Variants in EVL observed in about 807,000 individuals in gnomAD.
EVL encodes the protein ena/VASP-like protein.
Under a neutral mutation model 59.6 loss-of-function variants are expected in EVL, and 21 were observed. That is an observed-to-expected ratio of 0.35 (90% CI 0.25 to 0.51). EVL has a LOEUF of 0.51. Among genes scored for constraint, EVL ranks in the 20% least tolerant of loss-of-function variants. The pLI, the probability that EVL is intolerant of heterozygous loss-of-function variation, is 0.97. For missense variants in EVL, 462 were observed against 546.6 expected (o/e 0.85, Z 1.54); for synonymous variants, 198 against 203.5 (o/e 0.97, Z 0.23).
intron 1 of EVL, among the ~76,000 whole-genome samples, chr14:100,004,804 A>G (rs564989583): frequency 6.6e-6 from 1 of 152,294 alleles, no homozygotes; most frequent in East Asian, 1.9e-4. Context: ...TTTATACATA[A>G]CCTTTAAATA....
chr14:100,055,074 C>T (rs2061706716), intron 1 of EVL, among the ~76,000 whole-genome samples: 1 of 152,008 alleles, frequency 6.6e-6, no homozygotes, highest in Non-Finnish European at 1.5e-5. Context: ...TGGTGCATGC[C>T]TGTAATCCTA....
intron 3 of EVL, among the ~76,000 whole-genome samples, chr14:100,113,493 C>A (rs1270819762): frequency 2.0e-5 from 3 of 152,080 alleles, no homozygotes; most frequent in African/African-American, 7.2e-5. Flanking sequence ...AATTAAGTCC[C>A]AGTGAAAGGA....
chr14:100,034,904 AT>A (rs1017853782), intron 1 of EVL, among the ~76,000 whole-genome samples: 41 of 152,324 alleles, frequency 2.7e-4, no homozygotes, highest in African/African-American at 9.4e-4. Flanking sequence ...GAGGAAAAGT[AT>A]GATTATATAT....
At chr14:99,990,839 G>C (rs2140177806) in intron 1 of EVL, among the ~76,000 whole-genome samples, 1 of 152,160 alleles carries the variant, frequency 6.6e-6, no homozygotes, top group South Asian at 2.1e-4. Flanking sequence ...ATCTCTTCAA[G>C]ATCCTACTTT....
intron 1 of EVL, among the ~76,000 whole-genome samples, chr14:100,002,478 A>G (rs1456322187): frequency 1.3e-5 from 2 of 152,338 alleles, no homozygotes; most frequent in Non-Finnish European, 2.9e-5. Context: ...ACTAAGTCAT[A>G]CCAGAATTAT....
At chr14:100,026,394 T>TTGGCCGGGCGCGGTGG (rs1170453675) in intron 1 of EVL, among the ~76,000 whole-genome samples, 5 of 151,356 alleles carry the variant, frequency 3.3e-5, no homozygotes, top group South Asian at 2.1e-4. Flanking sequence ...AGGGAATCAG[T>TTGGCCGGGCGCGGTGG]CAGTTTCAGT....
chr14:100,062,145 G>C (rs901549916), upstream of EVL, among the ~76,000 whole-genome samples: 1 of 151,584 alleles, frequency 6.6e-6, no homozygotes, highest in South Asian at 2.1e-4. Flanking sequence ...CTCAAAAAAA[G>C]AAATAGTAGT....
intron 1 of EVL, among the ~76,000 whole-genome samples, chr14:100,003,539 C>T (rs2060959194): frequency 1.3e-5 from 2 of 152,130 alleles, no homozygotes. Context: ...GCCTCAGCCT[C>T]CCAAGTAGCT....
intron 1 of EVL, among the ~76,000 whole-genome samples, chr14:99,973,922 C>A (rs1677087392): frequency 1.3e-5 from 2 of 152,128 alleles, no homozygotes; most frequent in African/African-American, 2.4e-5. Context: ...AAAAGATAAT[C>A]TTTTCCCCAT....
intron 3 of EVL, among the ~76,000 whole-genome samples, chr14:100,099,134 G>A (rs954747677): frequency 3.0e-4 from 44 of 148,648 alleles, no homozygotes; most frequent in African/African-American, 7.7e-4. Flanking sequence ...CTTGAGGTCC[G>A]GAGTTCAAGA....
rs1462305671 is a variant in EVL, at chr14:100,128,556, C to T, written c.525C>T (p.Ala175=). ...CACCAGGACATCCTTCATCTGCAGCCAGCGCCCCCGTCTCATGTAGTGGGC... is the reference window on the plus strand; with the variant it reads ...CACCAGGACATCCTTCATCTGCAGCTAGCGCCCCCGTCTCATGTAGTGGGC... ...ILPPGHPSSA[A]SAPVSCSGPP... is the part of the protein sequence containing the mutation. The change falls in exon 6 of 14, where the codon GCC becomes GCT. Residue 175 remains alanine, a synonymous_variant. Coordinates refer to ENST00000392920, the MANE Select transcript of EVL (RefSeq NM_016337.3). 1 of 1,611,304 alleles carries T rather than the reference C, an allele frequency of 6.2e-7. No individual in the cohort carries two copies. Among genetic ancestry groups the T allele is most frequent in the Non-Finnish European group, 8.5e-7 (1 of 1,179,712 alleles).
Position 100,128,583 on chromosome 14 carries a change from TCCACCGC to T in EVL, c.555_561del (p.Pro187HisfsTer41). ...GCGCCCCCGTCTCATGTAGTGGGCC[TCCACCGC>T]CCCCCCCACCCCCAGTCCCACCTCC... On this transcript the variant is annotated frameshift_variant, in exon 6 of 14. Transcript: ENST00000392920. LOFTEE classifies it high-confidence loss of function. The T allele has an allele frequency of 1.9e-6, 3 of 1,579,768 alleles. No individual in the cohort carries two copies. The highest frequency in any genetic ancestry group is 2.6e-6 in the Non-Finnish European group (3 of 1,155,630).
chr14:100,136,955 G>A (rs1179451578), intron 9 of EVL, among the ~76,000 whole-genome samples: 2 of 152,152 alleles, frequency 1.3e-5, no homozygotes, highest in Non-Finnish European at 2.9e-5. Flanking sequence ...GAGGAAAACT[G>A]CCTCAATCCC....
At chr14:100,029,155 T>C (rs1332251727) in intron 1 of EVL, among the ~76,000 whole-genome samples, 1 of 152,252 alleles carries the variant, frequency 6.6e-6, no homozygotes, top group Non-Finnish European at 1.5e-5. Context: ...TCCTCTTTGC[T>C]TAGTGTAATA....
At chr14:100,086,072 T>G (rs969056661) in intron 2 of EVL, among the ~76,000 whole-genome samples, 25 of 152,236 alleles carry the variant, frequency 1.6e-4, no homozygotes, top group African/African-American at 2.9e-4. Context: ...GAGCTTGCAG[T>G]GAGCCGAGAT....
intron 1 of EVL, among the ~76,000 whole-genome samples, chr14:99,994,603 T>A (rs997020922): frequency 6.6e-6 from 1 of 152,348 alleles, no homozygotes; most frequent in African/African-American, 2.4e-5. Context: ...TTACCTTTTT[T>A]ATTTCATATC....
In EVL at chr14:100,109,729, C is replaced by T. The variant is rs1253187345; in HGVS notation, c.358+12071C>T. On this transcript the variant is annotated intron_variant, in intron 3 of 13. Transcript: ENST00000392920. The surrounding 1 kb of genome is among the most constrained non-coding windows in gnomAD (Gnocchi z 4.3). Reference sequence around the variant, plus strand: ...TAATGGAATTGTCTCACACAGAAATCGCACCCGTCACCTTGGCCTACTTAT... The same window carrying T: ...TAATGGAATTGTCTCACACAGAAATTGCACCCGTCACCTTGGCCTACTTAT... The T allele has an allele frequency of 1.3e-5, 7 of 529,734 alleles. No individual in the cohort carries two copies. The highest frequency in any genetic ancestry group is 7.1e-5 in the South Asian group (5 of 70,208). 32.8% of individuals were successfully genotyped at this position (529,734 alleles called of 1,614,324 possible).
At chr14:100,140,523 G>A (rs1566734446) in intron 11 of EVL, 1 of 152,212 alleles carries the variant, frequency 6.6e-6, no homozygotes, top group Non-Finnish European at 1.5e-5. Flanking sequence ...GGCTGAGGTA[G>A]GAGAATTGCT....
At position 100,129,346 on chromosome 14, in the gene EVL, G is replaced by A. The variant is rs954155716; in HGVS notation, c.718-217G>A. On this transcript the variant is annotated intron_variant, in intron 6 of 13. Coordinates refer to ENST00000392920, the MANE Select transcript of EVL (RefSeq NM_016337.3). Reference sequence around the variant, plus strand: ...GTCTGCAGGCCTGGGGAGTGTCTGCGACTTGTGTGACCTGGGCTGGTCCTT... The same window carrying A: ...GTCTGCAGGCCTGGGGAGTGTCTGCAACTTGTGTGACCTGGGCTGGTCCTT... 7.2e-5 allele frequency among the ~76,000 whole-genome samples: 11 copies of A among 151,984 alleles called. No homozygotes were observed. In the East Asian group the frequency reaches 1.5e-3, roughly 21 times the overall value.
Sources: allele counts gnomAD v4.1 joint callset (sites outside exome capture counted in the v4.1 genomes callset), GRCh38; gene constraint gnomAD v4.1.1; non-coding constraint Gnocchi (gnomAD v3.1); transcripts MANE v1.5; gene names NCBI Gene and HGNC (gene_info 2026-07-23, HGNC 2026-07-21).